Variants in TLCD3A observed in about 807,000 individuals in gnomAD.
TLCD3A encodes the protein TLC domain containing 3A.
A neutral mutation model predicts 29.9 loss-of-function variants in TLCD3A; 17 were observed. The ratio of observed to expected loss-of-function variants is 0.57; its 90% CI spans 0.39 to 0.85. TLCD3A has a LOEUF of 0.85. Among genes scored for constraint, TLCD3A ranks in the 40% least tolerant of loss-of-function variants. The probability of loss-of-function intolerance (pLI) is 0.00; values close to 1 mark genes in which losing one functional copy is unlikely to be tolerated. For synonymous variants in TLCD3A, 143 were observed against 147.7 expected (o/e 0.97, Z 0.23); for missense variants, 332 against 350.8 (o/e 0.95, Z 0.43).
chr17:740,834 C>T (rs1974242056), intron 4 of TLCD3A, among the ~76,000 whole-genome samples: 1 of 151,904 alleles, frequency 6.6e-6, no homozygotes, highest in African/African-American at 2.4e-5. Flanking sequence ...TCTGCTTTTC[C>T]TTCGGAGATG....
At position 742,692 on chromosome 17, in the gene TLCD3A, G is replaced by T. The variant is rs887968104; in HGVS notation, c.*1122G>T. ...CCCCTTCTGCAAGCAGGATTTTCTG[G>T]TGCCAACACTCATTCATCATTCCCG... On this transcript the variant is annotated 3_prime_UTR_variant, in exon 5 of 5. Transcript: ENST00000308278. 6.6e-6 allele frequency: 1 copy of T among 152,552 alleles called. No homozygotes were observed. Among genetic ancestry groups the T allele is most frequent in the Non-Finnish European group, 1.5e-5 (1 of 68,030 alleles). The allele number at this position is 152,552 out of a possible 1,614,324, so 9.4% of individuals were successfully genotyped here. A position where few individuals can be genotyped will look rare whatever the true frequency, so the allele number is the denominator to read the frequency against.
chr17:737,274 A>G (rs1047186307), intron 2 of TLCD3A, among the ~76,000 whole-genome samples: 7 of 152,138 alleles, frequency 4.6e-5, no homozygotes, highest in Non-Finnish European at 8.8e-5. Flanking sequence ...AGCCTCCCAA[A>G]GTGCTGAGAT....
chr17:741,803 G>GCCACCTTCC lies in TLCD3A; in HGVS notation c.*233_*234insCCACCTTCC. On this transcript the variant is annotated 3_prime_UTR_variant, in exon 5 of 5. Coordinates refer to ENST00000308278, the MANE Select transcript of TLCD3A (RefSeq NM_024792.3). ...TCAGACCTCCACGGACAGCAAAGTG[G>GCCACCTTCC]TTTTAATGCAAGCCCAAGGATCCTT... 1.8e-6 allele frequency: 1 copy of GCCACCTTCC among 568,952 alleles called. No homozygotes were observed. 35.2% of individuals were successfully genotyped at this position (568,952 alleles called of 1,614,324 possible). A position where few individuals can be genotyped will look rare whatever the true frequency, so the allele number is the denominator to read the frequency against.
chr17:732,931 C>T (rs956557572), intron 1 of TLCD3A, 162 bp downstream of exon 1: 10 of 1,384,146 alleles, frequency 7.2e-6, no homozygotes, highest in Non-Finnish European at 8.5e-6. Context: ...CGCGTCCTCC[C>T]CTGGCGGGAG....
intron 2 of TLCD3A, among the ~76,000 whole-genome samples, chr17:737,540 T>C (rs1472822641): frequency 6.6e-6 from 1 of 152,194 alleles, no homozygotes. Flanking sequence ...TCTATCTATA[T>C]CAAAATCAGT....
At position 742,646 on chromosome 17, in the gene TLCD3A, C is replaced by T. The variant is rs1293668710; in HGVS notation, c.*1076C>T. 1 of 152,462 alleles carries T rather than the reference C, an allele frequency of 6.6e-6. No homozygotes were observed. Among genetic ancestry groups the T allele is most frequent in the Non-Finnish European group, 1.5e-5 (1 of 68,060 alleles). 9.4% of individuals were successfully genotyped at this position (152,462 alleles called of 1,614,324 possible). On this transcript the variant is annotated 3_prime_UTR_variant, in exon 5 of 5. Transcript: ENST00000308278. Reference sequence around the variant, plus strand: ...GGCAGCTAGCCTGGCCAGTGGCTGTCCCGTGGACCGACACCTGCGCCCCCT... The same window carrying T: ...GGCAGCTAGCCTGGCCAGTGGCTGTTCCGTGGACCGACACCTGCGCCCCCT...
At position 738,094 on chromosome 17, in the gene TLCD3A, G is replaced by GTTTTT. The variant is rs200758501; in HGVS notation, c.408+48_408+49insTTTTT. The GTTTTT allele has an allele frequency of 8.6e-3, 3,685 of 428,204 alleles. 193 individuals carry two copies. In the African/African-American group the frequency reaches 0.14, roughly 16 times the overall value. 26.5% of individuals were successfully genotyped at this position (428,204 alleles called of 1,614,324 possible). On this transcript the variant is annotated intron_variant, in intron 3 of 4. Coordinates refer to ENST00000308278, the MANE Select transcript of TLCD3A (RefSeq NM_024792.3). ...GACCAGCAGCTGGGTTGAGCTGGGT[G>GTTTTT]TCTTTTTTTTTTTTTTTTTCTGAGA...
Position 740,498 on chromosome 17 carries a change from T to C in TLCD3A, c.409-7T>C, listed in dbSNP as rs377604831. ...CTTACTTCCCCTTTTCGTTTCGTCA[T>C]CCGCAGAGGCTCCGGGGAGACCTTG... is the stretch of plus-strand genomic sequence containing the variant. On this transcript the variant is annotated splice_polypyrimidine_tract_variant and splice_region_variant and intron_variant, in intron 3 of 4. Transcript: ENST00000308278. 40 of 1,612,766 alleles carry C rather than the reference T, an allele frequency of 2.5e-5. No individual in the cohort carries two copies. The highest frequency in any genetic ancestry group is 3.2e-5 in the Non-Finnish European group (38 of 1,178,870).
chr17:734,847 C>A (rs1216798197), intron 2 of TLCD3A, among the ~76,000 whole-genome samples: 4 of 151,900 alleles, frequency 2.6e-5, no homozygotes, highest in African/African-American at 7.3e-5. Context: ...GTACTTAATT[C>A]AGATAGTACG....
intron 2 of TLCD3A, among the ~76,000 whole-genome samples, chr17:737,372 T>C (rs1190257042): frequency 2.0e-5 from 3 of 151,958 alleles, no homozygotes; most frequent in Admixed American, 6.6e-5. Context: ...TAGAGTGGGG[T>C]TGCATGCAGA....
rs1359237968 is a variant in TLCD3A at position 741,702 on chromosome 17, A to C, written c.*132A>C. The C allele has an allele frequency of 5.3e-5, 58 of 1,085,382 alleles. No individual in the cohort carries two copies. The highest frequency in any genetic ancestry group is 7.0e-5 in the Non-Finnish European group (54 of 774,070). The allele number at this position is 1,085,382 out of a possible 1,614,324, so 67.2% of individuals were successfully genotyped here. A position where few individuals can be genotyped will look rare whatever the true frequency, so the allele number is the denominator to read the frequency against. On this transcript the variant is annotated 3_prime_UTR_variant, in exon 5 of 5. Coordinates refer to ENST00000308278, the MANE Select transcript of TLCD3A (RefSeq NM_024792.3). The stretch of plus-strand genomic sequence containing the variant: ...CCGATGGATTTGAGTTTTTCTAAAG[A>C]ATATTCATATTACCTCCTTCTTCTA...
In TLCD3A at chr17:732,782, C is replaced by T. The variant is rs1597539845; in HGVS notation, c.122+13C>T. On this transcript the variant is annotated intron_variant, in intron 1 of 4. Transcript: ENST00000308278. Reference sequence around the variant, plus strand: ...TGATCAGCACCAGGTACCGGCGCCGCCGAGACGCCCCCCGAGGCCCGGGGC... The same window carrying T: ...TGATCAGCACCAGGTACCGGCGCCGTCGAGACGCCCCCCGAGGCCCGGGGC... 1.4e-6 allele frequency: 2 copies of T among 1,444,180 alleles called. No homozygotes were observed. The highest frequency in any genetic ancestry group is 2.7e-5 in the South Asian group (2 of 74,614). The allele number at this position is 1,444,180 out of a possible 1,614,324, so 89.5% of individuals were successfully genotyped here. A position where few individuals can be genotyped will look rare whatever the true frequency, so the allele number is the denominator to read the frequency against.
intron 2 of TLCD3A, among the ~76,000 whole-genome samples, chr17:734,804 A>G (rs1974129745): frequency 1.3e-5 from 2 of 152,154 alleles, no homozygotes; most frequent in African/African-American, 2.4e-5. Flanking sequence ...TAAAATGACA[A>G]AGTCACAGCT....
In TLCD3A at chr17:737,073, G is replaced by A. The variant is rs561566095; in HGVS notation, c.207-773G>A. Among the ~76,000 whole-genome samples, 244 of 150,652 alleles carry A rather than the reference G, an allele frequency of 1.6e-3. 3 individuals carry two copies. Among genetic ancestry groups the A allele is most frequent in the African/African-American group, 5.3e-3 (217 of 40,846 alleles). On this transcript the variant is annotated intron_variant, in intron 2 of 4. Coordinates refer to ENST00000308278, the MANE Select transcript of TLCD3A (RefSeq NM_024792.3). ...GTCGCCCAGGCTGGAGTGCAGTGGC[G>A]CAATATCGGCTCACTGCAACCTCCG...
chr17:732,638 C>T lies in TLCD3A; in HGVS notation c.-10C>T. On this transcript the variant is annotated 5_prime_UTR_variant, in exon 1 of 5. Coordinates refer to ENST00000308278, the MANE Select transcript of TLCD3A (RefSeq NM_024792.3). ...GCGGCGCCAGCGAGGCGGCCGGACCCGCAGCCCCGATGCTGCTGACGCTGG... is the reference window on the plus strand; with the variant it reads ...GCGGCGCCAGCGAGGCGGCCGGACCTGCAGCCCCGATGCTGCTGACGCTGG... The T allele has an allele frequency of 3.1e-6, 4 of 1,290,412 alleles. No individual in the cohort carries two copies. The highest frequency in any genetic ancestry group is 3.9e-6 in the Non-Finnish European group (4 of 1,018,054). The allele number at this position is 1,290,412 out of a possible 1,614,324, so 79.9% of individuals were successfully genotyped here.
At chr17:740,436 C>T (rs1974231314) in intron 3 of TLCD3A, 69 bp from the exon 4 acceptor site, 9 of 1,169,910 alleles carry the variant, frequency 7.7e-6, no homozygotes, top group East Asian at 4.7e-5. Context: ...CAGTAGCCCT[C>T]GTTGGAATTT....
rs1452526836 is a variant in TLCD3A at position 742,028 on chromosome 17, C to G, written c.*458C>G. ...TCTTGGAAGTAATGTCGTCTTGTGA[C>G]ATTGGCCTGGGACAATCATTGTGGG... On this transcript the variant is annotated 3_prime_UTR_variant, in exon 5 of 5. Transcript: ENST00000308278. 1 of 197,564 alleles carries G rather than the reference C, an allele frequency of 5.1e-6. No homozygotes were observed. Among genetic ancestry groups the G allele is most frequent in the Non-Finnish European group, 1.0e-5 (1 of 95,670 alleles). 12.2% of individuals were successfully genotyped at this position (197,564 alleles called of 1,614,324 possible). A position where few individuals can be genotyped will look rare whatever the true frequency, so the allele number is the denominator to read the frequency against.
chr17:741,418 G>A lies in TLCD3A; in HGVS notation c.622G>A (p.Gly208Arg). 1 of 1,614,192 alleles carries A rather than the reference G, an allele frequency of 6.2e-7. No individual in the cohort carries two copies. Among genetic ancestry groups the A allele is most frequent in the Non-Finnish European group, 8.5e-7 (1 of 1,180,030 alleles). The change falls in exon 5 of 5, where the codon GGA becomes AGA. Residue 208 changes from glycine (G) to arginine (R), a missense_variant. Physicochemically the swap from Gly to Arg is moderately radical, Grantham distance 125 (BLOSUM62 -2). Transcript: ENST00000308278. Reference protein sequence around the residue: ...FMYWSYGRQQGLSLLQVPFSI... With the variant: ...FMYWSYGRQQRLSLLQVPFSI... ...GTACTGGTCCTATGGCCGCCAGCAG[G>A]GACTAAGCCTGCTCCAAGTACCCTT...
At position 732,795 on chromosome 17, in the gene TLCD3A, C is replaced by T. The variant is rs1464881193; in HGVS notation, c.122+26C>T. On this transcript the variant is annotated intron_variant, in intron 1 of 4. Transcript: ENST00000308278. ...GTACCGGCGCCGCCGAGACGCCCCC[C>T]GAGGCCCGGGGCGCTGCCCACCGCA... The T allele has an allele frequency of 2.8e-6, 4 of 1,439,640 alleles. No individual in the cohort carries two copies. The African/African-American group carries it at 4.5e-5, about 16-fold the overall frequency. The allele number at this position is 1,439,640 out of a possible 1,614,324, so 89.2% of individuals were successfully genotyped here.
Sources: gnomAD v4.1 joint callset for allele counts (sites outside exome capture counted in the v4.1 genomes callset) on GRCh38, gnomAD v4.1.1 for gene constraint, MANE v1.5 for transcripts, NCBI Gene and HGNC (gene_info 2026-07-23, HGNC 2026-07-21) for gene names.